The following C11orf24 variants were observed in gnomAD, a reference collection of about 807,000 sequenced individuals.
C11orf24 encodes the protein chromosome 11 open reading frame 24, also known as uncharacterized protein C11orf24.
Under a neutral mutation model 7.3 loss-of-function variants are expected in C11orf24, and 5 were observed. The observed-to-expected ratio is 0.69, with a 90% CI of 0.36 to 1.45. C11orf24 has a LOEUF of 1.45. Ranked by LOEUF, C11orf24 falls within the 40% of genes most tolerant of loss-of-function variation. The pLI is 0.03. For missense variants in C11orf24, 566 were observed against 590.5 expected (o/e 0.96, Z 0.43); for synonymous variants, 233 against 235.7 (o/e 0.99, Z 0.11).
intron 2 of C11orf24, among the ~76,000 whole-genome samples, chr11:68,264,072 C>T (rs1467745265): frequency 6.6e-6 from 1 of 152,134 alleles, no homozygotes; most frequent in Admixed American, 6.6e-5. Flanking sequence ...CTTCTTGACC[C>T]GATTTCACTA....
At position 68,262,357 on chromosome 11, in the gene C11orf24, C is replaced by A. The variant is rs769363268; in HGVS notation, c.638G>T (p.Arg213Leu). The change falls in exon 4 of 4, where the codon CGT (arginine) becomes CTT (leucine). Residue 213 changes from arginine to leucine, a missense_variant. Transcript: ENST00000304271. The part of the protein sequence containing the change: ...RTATLATLAT[R>L]AQTVATTANT... ...TGCTGTGGTCGCTACAGTCTGAGCACGTGTGGCCAATGTGGCCAGGGTTGC... is the reference window on the plus strand; with the variant it reads ...TGCTGTGGTCGCTACAGTCTGAGCAAGTGTGGCCAATGTGGCCAGGGTTGC... 2.5e-6 allele frequency: 4 copies of A among 1,614,122 alleles called. No individual in the cohort carries two copies. The East Asian group carries it at 8.9e-5, about 36-fold the overall frequency.
Position 68,262,217 on chromosome 11 carries a change from C to G in C11orf24, c.778G>C (p.Val260Leu). 1 of 1,612,976 alleles carries G rather than the reference C, an allele frequency of 6.2e-7. No homozygotes were observed. The change falls in exon 4 of 4, where the codon GTG becomes CTG. Residue 260 changes from valine to leucine, a missense_variant. By Grantham distance (32) the Val-to-Leu change is conservative. Coordinates refer to ENST00000304271, the MANE Select transcript of C11orf24 (RefSeq NM_022338.4). ...TTAACCACAGGCTGGTCCACTGACACCTGGCTAATGGGACCTTGTGCTTGG... is the reference window on the plus strand; with the variant it reads ...TTAACCACAGGCTGGTCCACTGACAGCTGGCTAATGGGACCTTGTGCTTGG... ...RPQAQGPISQVSVDQPVVNTT... is the reference protein window; with the variant it reads ...RPQAQGPISQLSVDQPVVNTT...
chr11:68,265,074 G>A (rs969736810), intron 2 of C11orf24, among the ~76,000 whole-genome samples: 1 of 151,870 alleles, frequency 6.6e-6, no homozygotes, highest in South Asian at 2.1e-4. Flanking sequence ...CTGGGAAAGC[G>A]ATGCCTGGGC....
rs757939632 is a variant in C11orf24, at chr11:68,261,954, T to A, written c.1041A>T (p.Val347=). ...GPGTSQAPEQ[V]ETEATPGTDS... is the part of the protein sequence containing the mutation. The stretch of plus-strand genomic sequence containing the variant: ...CAGTACCTGGTGTGGCTTCAGTCTC[T>A]ACCTGCTCCGGTGCCTGGGATGTGC... The change falls in exon 4 of 4, where the codon GTA becomes GTT. Residue 347 remains valine, a synonymous_variant. Coordinates refer to ENST00000304271, the MANE Select transcript of C11orf24 (RefSeq NM_022338.4). The A allele has an allele frequency of 5.0e-6, 8 of 1,613,874 alleles. No homozygotes were observed. In the East Asian group the frequency reaches 1.6e-4, roughly 31 times the overall value.
At position 68,263,884 on chromosome 11, in the gene C11orf24, C is replaced by A. The variant is rs145585760; in HGVS notation, c.-99-18G>T. The A allele has an allele frequency of 1.2e-6, 1 of 827,360 alleles. No homozygotes were observed. The highest frequency in any genetic ancestry group is 1.9e-6 in the Non-Finnish European group (1 of 523,748). 51.3% of individuals were successfully genotyped at this position (827,360 alleles called of 1,614,324 possible). ...CAAGGGATCTGTGGTCAAGAAAGCA[C>A]GCTGGTCAGAAGGCGTCTGGCCAGC... On this transcript the variant is annotated intron_variant, in intron 2 of 3. Transcript: ENST00000304271.
chr11:68,263,321 G>A (rs951356199), intron 3 of C11orf24: 1 of 392,428 alleles, frequency 2.5e-6, no homozygotes, highest in Middle Eastern at 7.2e-4. Flanking sequence ...ATAAAAGAAC[G>A]CTTGGCTTTG....
intron 2 of C11orf24, among the ~76,000 whole-genome samples, chr11:68,264,545 T>TCCACCCACCCAC (rs1565290966): frequency 1.0e-4 from 12 of 118,836 alleles, no homozygotes; most frequent in East Asian, 2.8e-4. Context: ...CATCCATCCA[T>TCCACCCACCCAC]CCATCCATCC....
chr11:68,271,641 A>C (rs1447842207), intron 1 of C11orf24: 1 of 152,422 alleles, frequency 6.6e-6, no homozygotes, highest in Non-Finnish European at 1.5e-5. Context: ...TGACTTCTTC[A>C]GTACCTGCAT....
Position 68,261,873 on chromosome 11 carries a change from G to A in C11orf24, c.1122C>T (p.Asp374=), listed in dbSNP as rs1448078974. 2.5e-6 allele frequency: 4 copies of A among 1,614,112 alleles called. No individual in the cohort carries two copies. Among genetic ancestry groups the A allele is most frequent in the Admixed American group, 1.7e-5 (1 of 60,034 alleles). ...SSGGTKMPAT[D]SCQPSTQGQY... ...GGCCTTGGGTGCTGGGCTGGCACGA[G>A]TCCGTGGCTGGCATCTTAGTGCCCC... The change falls in exon 4 of 4, where the codon GAC becomes GAT. Residue 374 remains aspartate, a synonymous_variant. Coordinates refer to ENST00000304271, the MANE Select transcript of C11orf24 (RefSeq NM_022338.4).
chr11:68,261,942 G>C lies in C11orf24; in HGVS notation c.1053C>G (p.Ala351=). 6.2e-7 allele frequency: 1 copy of C among 1,613,936 alleles called. No homozygotes were observed. The highest frequency in any genetic ancestry group is 8.5e-7 in the Non-Finnish European group (1 of 1,180,040). ...SQAPEQVETE[A]TPGTDSTGPT... Reference sequence around the variant, plus strand: ...GCCCAGTGGAATCAGTACCTGGTGTGGCTTCAGTCTCTACCTGCTCCGGTG... The same window carrying C: ...GCCCAGTGGAATCAGTACCTGGTGTCGCTTCAGTCTCTACCTGCTCCGGTG... The change falls in exon 4 of 4, where the codon GCC becomes GCG. Residue 351 remains alanine (A), a synonymous_variant. Coordinates refer to ENST00000304271, the MANE Select transcript of C11orf24 (RefSeq NM_022338.4).
rs1440221282 is a variant in C11orf24 at position 68,263,862 on chromosome 11, G to A, written c.-95C>T. 4.7e-6 allele frequency: 5 copies of A among 1,068,422 alleles called. No individual in the cohort carries two copies. The Admixed American group carries it at 1.1e-4, about 24-fold the overall frequency. The allele number at this position is 1,068,422 out of a possible 1,614,324, so 66.2% of individuals were successfully genotyped here. ...TAATGGTTCCCTCCTGCTTGGCCAAGGGATCTGTGGTCAAGAAAGCACGCT... is the reference window on the plus strand; with the variant it reads ...TAATGGTTCCCTCCTGCTTGGCCAAAGGATCTGTGGTCAAGAAAGCACGCT... On this transcript the variant is annotated 5_prime_UTR_variant, in exon 3 of 4. Coordinates refer to ENST00000304271, the MANE Select transcript of C11orf24 (RefSeq NM_022338.4).
At chr11:68,267,435 A>C (rs889023294) in intron 2 of C11orf24, 41 of 152,356 alleles carry the variant, frequency 2.7e-4, no homozygotes, top group African/African-American at 8.9e-4. Flanking sequence ...TGCCCACGGC[A>C]TCACCAAGGT....
In C11orf24 at chr11:68,262,654, G is replaced by A. The variant is rs1894206; in HGVS notation, c.341C>T (p.Thr114Met). ...CGCAGTCGTAATGGAGGCCGCAGTC[G>A]TACTGGAGGCCACAGCCGTGGGAGC... Reference protein sequence around the residue: ...SIAPTAVASSTTAASITTAAS... With the variant: ...SIAPTAVASSMTAASITTAAS... The change falls in exon 4 of 4, where the codon ACG (threonine) becomes ATG (methionine). Residue 114 changes from threonine (T) to methionine (M), a missense_variant. Coordinates refer to ENST00000304271, the MANE Select transcript of C11orf24 (RefSeq NM_022338.4). The A allele has an allele frequency of 8.1e-5, 130 of 1,613,858 alleles. 3 individuals are homozygous for A. Among genetic ancestry groups the A allele is most frequent in the South Asian group, 7.9e-4 (72 of 91,056 alleles).
intron 1 of C11orf24, among the ~76,000 whole-genome samples, chr11:68,268,940 A>G (rs1318368908): frequency 6.6e-6 from 1 of 152,220 alleles, no homozygotes; most frequent in Non-Finnish European, 1.5e-5. Context: ...TATAGCATGC[A>G]TCAGTAAATG....
In C11orf24 at chr11:68,262,470, C is replaced by T. The variant is rs1322754171; in HGVS notation, c.525G>A (p.Gly175=). The part of the protein sequence containing the change: ...ALPAPTSTST[G]RTPSTTATGH... ...CAGTGGCGGTAGTGGACGGGGTCCG[C>T]CCTGTGGAAGTGGACGTGGGCGCGG... Residue 175 remains glycine (G), a synonymous_variant, in exon 4 of 4, where the codon GGG becomes GGA. Coordinates refer to ENST00000304271, the MANE Select transcript of C11orf24 (RefSeq NM_022338.4). 1.2e-6 allele frequency: 2 copies of T among 1,614,036 alleles called. No individual in the cohort carries two copies. The highest frequency in any genetic ancestry group is 1.1e-5 in the South Asian group (1 of 91,080).
chr11:68,269,354 C>T (rs1180424657), intron 1 of C11orf24, among the ~76,000 whole-genome samples: 1 of 152,162 alleles, frequency 6.6e-6, no homozygotes, highest in African/African-American at 2.4e-5. Context: ...AGGAGCAAAG[C>T]CATAATGCAA....
Position 68,262,153 on chromosome 11 carries a change from G to A in C11orf24, c.842C>T (p.Thr281Ile). Residue 281 changes from threonine to isoleucine, a missense_variant, in exon 4 of 4, where the codon ACC becomes ATC. Thr to Ile is a moderately conservative substitution (Grantham distance 89). Coordinates refer to ENST00000304271, the MANE Select transcript of C11orf24 (RefSeq NM_022338.4). The stretch of plus-strand genomic sequence containing the variant: ...TGTGGGGGTGGGGGCGGGCTCTGGG[G>A]TTGTGTTTGAGGGCATGGGTGTGGA... ...NKSTPMPSNT[T>I]PEPAPTPTVV... 3 of 1,614,056 alleles carry A rather than the reference G, an allele frequency of 1.9e-6. No individual in the cohort carries two copies. The highest frequency in any genetic ancestry group is 2.5e-6 in the Non-Finnish European group (3 of 1,180,000).
intron 2 of C11orf24, among the ~76,000 whole-genome samples, chr11:68,265,756 G>A (rs1460255272): frequency 5.9e-5 from 9 of 152,066 alleles, no homozygotes; most frequent in Non-Finnish European, 8.8e-5. Context: ...CAAAGTATTG[G>A]GATTACAGGC....
chr11:68,267,235 G>A (rs973250892), intron 2 of C11orf24: 1 of 152,254 alleles, frequency 6.6e-6, no homozygotes, highest in Non-Finnish European at 1.5e-5. Flanking sequence ...AGCTACAGCA[G>A]GGAGGATCAG....
Sources: gnomAD v4.1 joint callset for allele counts (sites outside exome capture counted in the v4.1 genomes callset) on GRCh38, gnomAD v4.1.1 for gene constraint, MANE v1.5 for transcripts, NCBI Gene and HGNC (gene_info 2026-07-23, HGNC 2026-07-21) for gene names.